The following SLC25A24 variants were observed in gnomAD, a reference collection of about 807,000 sequenced individuals.
SLC25A24 encodes mitochondrial adenyl nucleotide antiporter SLC25A24.
A neutral mutation model predicts 60.7 loss-of-function variants in SLC25A24; 49 were observed. That is an observed-to-expected ratio of 0.81 (90% CI 0.64 to 1.02). The LOEUF is 1.02. SLC25A24 is among the 50% of genes least tolerant of loss of function. The probability of loss-of-function intolerance (pLI) is 0.00; values close to 1 mark genes in which losing one functional copy is unlikely to be tolerated. For synonymous variants in SLC25A24, 202 were observed against 200.6 expected (o/e 1.01, Z -0.06); for missense variants, 564 against 586.3 (o/e 0.96, Z 0.39).
chr1:108,183,971 A>G (rs1648029747), intron 2 of SLC25A24, among the ~76,000 whole-genome samples: 1 of 152,196 alleles, frequency 6.6e-6, no homozygotes, highest in African/African-American at 2.4e-5. Flanking sequence ...TGAGTAGGCA[A>G]ATTTGCAAAT....
intron 1 of SLC25A24, chr1:108,199,616 A>G: frequency 2.3e-6 from 1 of 432,086 alleles, no homozygotes; most frequent in Non-Finnish European, 4.1e-6. Context: ...AAAACGGATT[A>G]CATGTCTGCA....
At chr1:108,140,176 C>T (rs1420025461) in intron 8 of SLC25A24, among the ~76,000 whole-genome samples, 2 of 151,846 alleles carry the variant, frequency 1.3e-5, no homozygotes, top group Non-Finnish European at 2.9e-5. Flanking sequence ...AAAATTATCT[C>T]AATGGATTAA....
intron 6 of SLC25A24, among the ~76,000 whole-genome samples, chr1:108,150,467 G>A (rs1216643952): frequency 6.6e-6 from 1 of 152,154 alleles, no homozygotes; most frequent in Non-Finnish European, 1.5e-5. Flanking sequence ...AAATCCTTTT[G>A]TCTATCTCAG....
intron 7 of SLC25A24, among the ~76,000 whole-genome samples, chr1:108,146,896 C>T (rs1008230627): frequency 2.6e-5 from 4 of 152,116 alleles, no homozygotes; most frequent in African/African-American, 9.7e-5. Context: ...TGTGTCTCTG[C>T]CAGGTTTTAG....
intron 7 of SLC25A24, among the ~76,000 whole-genome samples, chr1:108,147,689 T>C (rs1432471598): frequency 6.6e-6 from 1 of 152,188 alleles, no homozygotes; most frequent in African/African-American, 2.4e-5. Flanking sequence ...GATTCCATTA[T>C]TAAATTTATG....
At chr1:108,188,939 T>C (rs1648246536) in intron 1 of SLC25A24, among the ~76,000 whole-genome samples, 1 of 152,236 alleles carries the variant, frequency 6.6e-6, no homozygotes. Context: ...GTTAGTTCTG[T>C]GCAGACTTGA....
At chr1:108,184,056 CA>C (rs1648032166) in intron 2 of SLC25A24, among the ~76,000 whole-genome samples, 1 of 152,048 alleles carries the variant, frequency 6.6e-6, no homozygotes, top group Non-Finnish European at 1.5e-5. Context: ...AAATATGAAC[CA>C]ATAATGCCAC....
chr1:108,191,467 T>C (rs1648341588), intron 1 of SLC25A24, among the ~76,000 whole-genome samples: 1 of 140,482 alleles, frequency 7.1e-6, no homozygotes, highest in Non-Finnish European at 1.6e-5. Flanking sequence ...CACTGCTTTT[T>C]TCTAGGAATT....
rs764792064 is a variant in SLC25A24, at chr1:108,182,046, G to T, written c.311-18C>A. On this transcript the variant is annotated intron_variant, in intron 2 of 9. Transcript: ENST00000565488. ...AATTTTTCCTTTAAAAAAATAAAAA[G>T]GGCAAAAAATAAAACTCAGAACTGG... The T allele has an allele frequency of 1.3e-6, 2 of 1,496,740 alleles. No homozygotes were observed. Among genetic ancestry groups the T allele is most frequent in the South Asian group, 1.1e-5 (1 of 87,816 alleles). 92.7% of individuals were successfully genotyped at this position (1,496,740 alleles called of 1,614,324 possible). A position where few individuals can be genotyped will look rare whatever the true frequency, so the allele number is the denominator to read the frequency against.
Position 108,192,396 on chromosome 1 carries a change from G to C in SLC25A24, c.184-6442C>G, listed in dbSNP as rs1165377057. The C allele has an allele frequency of 1.3e-5, 11 of 851,516 alleles. 1 individual carries two copies. In the South Asian group the frequency reaches 2.0e-4, roughly 15 times the overall value. 52.7% of individuals were successfully genotyped at this position (851,516 alleles called of 1,614,324 possible). On this transcript the variant is annotated intron_variant, in intron 1 of 9. Coordinates refer to ENST00000565488, the MANE Select transcript of SLC25A24 (RefSeq NM_013386.5). ...GACCTGAACACTGCAGTGGGCCCAG[G>C]TCAAGCTTGACAACATGTAAATTTT...
At chr1:108,166,922 T>C (rs1372066237) in intron 3 of SLC25A24, among the ~76,000 whole-genome samples, 1 of 151,486 alleles carries the variant, frequency 6.6e-6, no homozygotes, top group Non-Finnish European at 1.5e-5. Context: ...CTTTGTGGTT[T>C]TATCTACTTT....
At chr1:108,189,358 A>G (rs1368477792) in intron 1 of SLC25A24, among the ~76,000 whole-genome samples, 1 of 152,192 alleles carries the variant, frequency 6.6e-6, no homozygotes, top group African/African-American at 2.4e-5. Context: ...ACAACTCATA[A>G]GTTTTAAATT....
At chr1:108,171,436 A>C (rs1647456856) in intron 3 of SLC25A24, among the ~76,000 whole-genome samples, 2 of 152,208 alleles carry the variant, frequency 1.3e-5, no homozygotes, top group African/African-American at 4.8e-5. Flanking sequence ...CTGCTGAAAT[A>C]ATCCATAGGC....
intron 3 of SLC25A24, among the ~76,000 whole-genome samples, chr1:108,171,442 T>C (rs1180282256): frequency 6.6e-6 from 1 of 152,232 alleles, no homozygotes; most frequent in Non-Finnish European, 1.5e-5. Flanking sequence ...AAATAATCCA[T>C]AGGCCACTAG....
chr1:108,171,741 A>C (rs1387684255), intron 3 of SLC25A24, among the ~76,000 whole-genome samples: 1 of 152,252 alleles, frequency 6.6e-6, no homozygotes, highest in Admixed American at 6.5e-5. Flanking sequence ...CTCAATATTC[A>C]TTGAGCATTT....
At chr1:108,189,064 G>T (rs1648251141) in intron 1 of SLC25A24, among the ~76,000 whole-genome samples, 1 of 152,162 alleles carries the variant, frequency 6.6e-6, no homozygotes, top group South Asian at 2.1e-4. Context: ...CTGAAAACAA[G>T]ATTTTCTCTT....
intron 4 of SLC25A24, among the ~76,000 whole-genome samples, chr1:108,159,465 T>TG (rs1491475032): frequency 1.5e-4 from 2 of 13,606 alleles, no homozygotes; most frequent in Non-Finnish European, 2.7e-4. Flanking sequence ...TCTTGGGTTG[T>TG]TTTTTTTTTT....
intron 3 of SLC25A24, among the ~76,000 whole-genome samples, chr1:108,180,597 A>G (rs1647879340): frequency 6.7e-6 from 1 of 148,674 alleles, no homozygotes; most frequent in South Asian, 2.1e-4. Flanking sequence ...ATGGCCTTAT[A>G]ATAGAAAGCA....
At position 108,155,087 on chromosome 1, in the gene SLC25A24, G is replaced by T; in HGVS notation, c.718C>A (p.Gln240Lys). 6.2e-7 allele frequency: 1 copy of T among 1,612,326 alleles called. No homozygotes were observed. Among genetic ancestry groups the T allele is most frequent in the South Asian group, 1.1e-5 (1 of 90,858 alleles). ...DKMNIFGGFR[Q>K]MVKEGGIRSL... is the part of the protein sequence containing the mutation. ...CGGATACCTCCTTCTTTTACCATCT[G>T]TCGAAAGCCACCAAATATGTTCATT... Residue 240 changes from glutamine (Q) to lysine (K), a missense_variant, in exon 6 of 10, where the codon CAG (glutamine) becomes AAG (lysine). Gln to Lys is a moderately conservative substitution (Grantham distance 53). Transcript: ENST00000565488.
Sources: allele counts gnomAD v4.1 joint callset (sites outside exome capture counted in the v4.1 genomes callset), GRCh38; gene constraint gnomAD v4.1.1; transcripts MANE v1.5; gene names NCBI Gene and HGNC (gene_info 2026-07-23, HGNC 2026-07-21).